The following CNTN5 variants were observed in gnomAD, a reference collection of about 807,000 sequenced individuals.
CNTN5 encodes contactin-5.
In CNTN5, 77 loss-of-function variants were observed where a neutral mutation model predicts 129.1. The ratio of observed to expected loss-of-function variants is 0.60; its 90% CI spans 0.50 to 0.72. The LOEUF (loss-of-function observed/expected upper bound fraction) is 0.72. CNTN5 is among the 30% of genes least tolerant of loss of function. The probability of loss-of-function intolerance (pLI) is 0.00; values close to 1 mark genes in which losing one functional copy is unlikely to be tolerated. For synonymous variants in CNTN5, 509 were observed against 465.6 expected (o/e 1.09, Z -1.20); for missense variants, 1,478 against 1,328.8 (o/e 1.11, Z -1.75).
intron 17 of CNTN5, among the ~76,000 whole-genome samples, chr11:100,258,666 CA>C (rs1950130026): frequency 6.6e-6 from 1 of 152,252 alleles, no homozygotes; most frequent in Admixed American, 6.5e-5. Flanking sequence ...CAAGAATTTT[CA>C]ACCCAGAATT....
At chr11:99,607,613 G>A in intron 3 of CNTN5, among the ~76,000 whole-genome samples, 1 of 120,652 alleles carries the variant, frequency 8.3e-6, no homozygotes, top group African/African-American at 3.0e-5. Context: ...ATACCCAAAG[G>A]GCTATAAATC....
intron 1 of CNTN5, among the ~76,000 whole-genome samples, chr11:99,131,657 G>A (rs1858944730): frequency 6.6e-6 from 1 of 152,012 alleles, no homozygotes; most frequent in Non-Finnish European, 1.5e-5. Flanking sequence ...TAGAAGAAAT[G>A]GATAAATTTC....
rs148752140 is a variant in CNTN5, at chr11:99,198,687, C to T, written c.-209-126659C>T. Among the ~76,000 whole-genome samples the T allele has an allele frequency of 5.9e-5, 9 of 152,242 alleles. No individual in the cohort carries two copies. In the East Asian group the frequency reaches 1.7e-3, roughly 29 times the overall value. ...ATATAAAATATTGCAGTTGTCCCAACAAGGTAAAAAATAGGTTGGGTACTG... is the reference window on the plus strand; with the variant it reads ...ATATAAAATATTGCAGTTGTCCCAATAAGGTAAAAAATAGGTTGGGTACTG... On this transcript the variant is annotated intron_variant, in intron 1 of 24. Transcript: ENST00000524871.
At chr11:99,639,763 C>T (rs10893641) in intron 3 of CNTN5, among the ~76,000 whole-genome samples, 90,882 of 151,160 alleles carry the variant, frequency 0.6, 28,113 homozygotes, top group Admixed American at 0.69. Flanking sequence ...GAGGTTTCAC[C>T]ATGTTGGTCA....
intron 1 of CNTN5, among the ~76,000 whole-genome samples, chr11:99,021,912 T>C (rs770409858): frequency 6.6e-5 from 10 of 152,210 alleles, no homozygotes; most frequent in Non-Finnish European, 1.3e-4. Context: ...GAATATCAAT[T>C]TGCACATACA....
In CNTN5 at chr11:100,070,325, C is replaced by T. The variant is rs541900353; in HGVS notation, c.1163-99C>T. ...AAAATACCTATGGTTGAATGAATTG[C>T]TTTTAAAAAAATACGTTGAATTTTT... On this transcript the variant is annotated intron_variant, in intron 10 of 24. Coordinates refer to ENST00000524871, the MANE Select transcript of CNTN5 (RefSeq NM_014361.4). 7 of 1,279,180 alleles carry T rather than the reference C, an allele frequency of 5.5e-6. No homozygotes were observed. The Admixed American group carries it at 1.4e-4, about 25-fold the overall frequency. 79.2% of individuals were successfully genotyped at this position (1,279,180 alleles called of 1,614,324 possible).
chr11:99,653,675 G>T (rs1952241922), intron 3 of CNTN5, among the ~76,000 whole-genome samples: 1 of 151,976 alleles, frequency 6.6e-6, no homozygotes. Flanking sequence ...TAATTTACAT[G>T]TAATATATGT....
At chr11:99,323,527 A>G (rs1003550975) in intron 1 of CNTN5, among the ~76,000 whole-genome samples, 7 of 152,160 alleles carry the variant, frequency 4.6e-5, no homozygotes, top group African/African-American at 1.4e-4. Flanking sequence ...TGTGCTAGAC[A>G]TGTTGGTAAG....
intron 2 of CNTN5, among the ~76,000 whole-genome samples, chr11:99,548,789 T>A (rs1302163139): frequency 1.3e-5 from 2 of 152,142 alleles, no homozygotes; most frequent in Non-Finnish European, 2.9e-5. Flanking sequence ...TGCTTTTTGG[T>A]TTTAGTATTT....
chr11:99,950,366 A>G (rs916131350), intron 7 of CNTN5, among the ~76,000 whole-genome samples: 2 of 152,212 alleles, frequency 1.3e-5, no homozygotes, highest in Non-Finnish European at 1.5e-5. Flanking sequence ...CTGTAGTCCC[A>G]GCTACTCAGG....
At position 100,070,534 on chromosome 11, in the gene CNTN5, A is replaced by C. The variant is rs780152876; in HGVS notation, c.1273A>C (p.Lys425Gln). The C allele has an allele frequency of 1.1e-5, 18 of 1,612,994 alleles. No individual in the cohort carries two copies. Among genetic ancestry groups the C allele is most frequent in the Non-Finnish European group, 1.4e-5 (16 of 1,179,464 alleles). ...ACCCAGACCCACGTATCGTTGGCTGAAGAATGGAGTACCCCTCTCACCTCA... is the reference window on the plus strand; with the variant it reads ...ACCCAGACCCACGTATCGTTGGCTGCAGAATGGAGTACCCCTCTCACCTCA... The part of the protein sequence containing the change: ...GKPRPTYRWL[K>Q]NGVPLSPQSR... Residue 425 changes from lysine (K) to glutamine (Q), a missense_variant, in exon 11 of 25, where the codon AAG (lysine) becomes CAG (glutamine). Lys to Gln is a moderately conservative substitution (Grantham distance 53). Transcript: ENST00000524871.
chr11:100,072,351 A>G (rs1273196548), intron 12 of CNTN5, among the ~76,000 whole-genome samples: 2 of 152,194 alleles, frequency 1.3e-5, no homozygotes, highest in Non-Finnish European at 2.9e-5. Context: ...GATGCCAGGC[A>G]CTACAATCTC....
At chr11:100,283,533 A>G (rs894479580) in intron 18 of CNTN5, among the ~76,000 whole-genome samples, 2 of 152,142 alleles carry the variant, frequency 1.3e-5, no homozygotes, top group African/African-American at 2.4e-5. Flanking sequence ...TGTGGCCTAG[A>G]CTACCTTTCA....
At position 99,761,315 on chromosome 11, in the gene CNTN5, T is replaced by C. The variant is rs185377888; in HGVS notation, c.56-58229T>C. 2.1e-3 allele frequency among the ~76,000 whole-genome samples: 316 copies of C among 152,296 alleles called. 1 individual carries two copies. The highest frequency in any genetic ancestry group is 3.5e-3 in the Non-Finnish European group (236 of 68,024). On this transcript the variant is annotated intron_variant, in intron 3 of 24. Transcript: ENST00000524871. Reference sequence around the variant, plus strand: ...AGTTTTAGGGTACGTGTGCACATTGTGCAGGTTTGTTACGTATGTATACAT... The same window carrying C: ...AGTTTTAGGGTACGTGTGCACATTGCGCAGGTTTGTTACGTATGTATACAT...
At chr11:100,029,816 G>A (rs1941616694) in intron 9 of CNTN5, among the ~76,000 whole-genome samples, 1 of 151,998 alleles carries the variant, frequency 6.6e-6, no homozygotes, top group Admixed American at 6.6e-5. Context: ...TAAAGATTGG[G>A]AATGAATCTT....
chr11:99,718,072 A>T lies in CNTN5; in HGVS notation c.56-101472A>T, dbSNP rs377581958. Among the ~76,000 whole-genome samples, 10 of 152,104 alleles carry T rather than the reference A, an allele frequency of 6.6e-5. No individual in the cohort carries two copies. The East Asian group carries it at 1.9e-3, about 29-fold the overall frequency. Reference sequence around the variant, plus strand: ...CAAACTTTGCTGAAGAATATCATATAACTCTCCTTAATAGAATTCTACTTG... The same window carrying T: ...CAAACTTTGCTGAAGAATATCATATTACTCTCCTTAATAGAATTCTACTTG... On this transcript the variant is annotated intron_variant, in intron 3 of 24. Coordinates refer to ENST00000524871, the MANE Select transcript of CNTN5 (RefSeq NM_014361.4).
In CNTN5 at chr11:99,192,538, A is replaced by T. The variant is rs924224610; in HGVS notation, c.-209-132808A>T. On this transcript the variant is annotated intron_variant, in intron 1 of 24. Transcript: ENST00000524871. ...ATGTATAAAAATATATTTGAATAACATTAGATACTAGAATTATAATTTGTA... is the reference window on the plus strand; with the variant it reads ...ATGTATAAAAATATATTTGAATAACTTTAGATACTAGAATTATAATTTGTA... Among the ~76,000 whole-genome samples the T allele has an allele frequency of 2.6e-5, 4 of 152,092 alleles. No homozygotes were observed. The East Asian group carries it at 7.7e-4, about 29-fold the overall frequency.
In CNTN5 at chr11:99,525,461, G is replaced by A. The variant is rs1212248295; in HGVS notation, c.-70-30684G>A. 2.6e-5 allele frequency among the ~76,000 whole-genome samples: 4 copies of A among 152,154 alleles called. 1 individual carries two copies. In the South Asian group the frequency reaches 6.2e-4, roughly 24 times the overall value. On this transcript the variant is annotated intron_variant, in intron 2 of 24. Coordinates refer to ENST00000524871, the MANE Select transcript of CNTN5 (RefSeq NM_014361.4). Reference sequence around the variant, plus strand: ...ATTATGAAATATACAAGGCTCAAACGATATGTCAAAAACATTGTCCAGATA... The same window carrying A: ...ATTATGAAATATACAAGGCTCAAACAATATGTCAAAAACATTGTCCAGATA...
chr11:99,172,058 C>G (rs1476394992), intron 1 of CNTN5, among the ~76,000 whole-genome samples: 1 of 152,134 alleles, frequency 6.6e-6, no homozygotes, highest in African/African-American at 2.4e-5. Flanking sequence ...TACAAAAGGA[C>G]ATTTAGAAAC....
Sources: allele counts gnomAD v4.1 joint callset (sites outside exome capture counted in the v4.1 genomes callset), GRCh38; gene constraint gnomAD v4.1.1; transcripts MANE v1.5; gene names NCBI Gene and HGNC (gene_info 2026-07-23, HGNC 2026-07-21).